Variants in TAF2 observed in about 807,000 individuals in gnomAD.
The protein encoded by TAF2 is transcription initiation factor TFIID subunit 2.
TAF2 carries 61 observed loss-of-function variants against 138.5 expected under a neutral mutation model. The ratio of observed to expected loss-of-function variants is 0.44; its 90% confidence interval spans 0.36 to 0.54. TAF2 has a LOEUF of 0.54. TAF2 is among the 20% of genes least tolerant of loss of function. The pLI is 0.00. For synonymous variants in TAF2, 475 were observed against 469.9 expected (o/e 1.01, Z -0.14); for missense variants, 1,090 against 1,427.9 (o/e 0.76, Z 3.81).
chr8:119,828,062 G>A (rs1826215480), intron 2 of TAF2, among the ~76,000 whole-genome samples: 1 of 152,020 alleles, frequency 6.6e-6, no homozygotes, highest in Non-Finnish European at 1.5e-5. Flanking sequence ...ATTTTTAGTA[G>A]AGACAGGGTT....
chr8:119,803,882 T>C lies in TAF2; in HGVS notation c.556A>G (p.Thr186Ala), dbSNP rs1824436262. Residue 186 changes from threonine to alanine, a missense_variant, in exon 5 of 26, where the codon ACA becomes GCA. Coordinates refer to ENST00000378164, the MANE Select transcript of TAF2 (RefSeq NM_003184.4). ...HVFSCGYQNS[T>A]RFWFPCVDSY... Reference sequence around the variant, plus strand: ...ATTTAAGAATCTATAATCTACCTTGTAGAATTTTGATACCCACAAGAGAAA... The same window carrying C: ...ATTTAAGAATCTATAATCTACCTTGCAGAATTTTGATACCCACAAGAGAAA... 2.5e-6 allele frequency: 4 copies of C among 1,613,102 alleles called. No homozygotes were observed. Among genetic ancestry groups the C allele is most frequent in the Middle Eastern group, 1.7e-4 (1 of 6,058 alleles).
rs145741910 is a variant in TAF2 at position 119,815,505 on chromosome 8, A to G, written c.299+3841T>C. 6.4e-3 allele frequency among the ~76,000 whole-genome samples: 975 copies of G among 151,562 alleles called. 14 individuals are homozygous for G. Among genetic ancestry groups the G allele is most frequent in the African/African-American group, 0.023 (931 of 41,350 alleles). On this transcript the variant is annotated intron_variant, in intron 3 of 25. Coordinates refer to ENST00000378164, the MANE Select transcript of TAF2 (RefSeq NM_003184.4). ...TAGCCAGGATGGTCTCGATCCCCTG[A>G]CCTCGTGATCCACCCACCTTGGCCT... is the stretch of plus-strand genomic sequence containing the variant.
chr8:119,778,248 C>T (rs1822395338), intron 17 of TAF2, 119 bp from the exon 18 acceptor site: 1 of 620,446 alleles, frequency 1.6e-6, no homozygotes, highest in Non-Finnish European at 2.9e-6. Context: ...CTGGATGGAG[C>T]CTAACACCTC....
Position 119,778,010 on chromosome 8 carries a change from G to T in TAF2, c.2364+9C>A. 7.2e-7 allele frequency: 1 copy of T among 1,393,842 alleles called. No homozygotes were observed. The highest frequency in any genetic ancestry group is 1.4e-5 in the African/African-American group (1 of 69,816). The allele number at this position is 1,393,842 out of a possible 1,614,324, so 86.3% of individuals were successfully genotyped here. A position where few individuals can be genotyped will look rare whatever the true frequency, so the allele number is the denominator to read the frequency against. On this transcript the variant is annotated intron_variant, in intron 18 of 25. Transcript: ENST00000378164. ...TGTTGTAGAAGATTTAAAAATAAAA[G>T]TACCTCACCTTATTTTTCCTGTTGT... is the stretch of plus-strand genomic sequence containing the variant.
At chr8:119,771,364 T>G (rs1045440501) in intron 18 of TAF2, among the ~76,000 whole-genome samples, 1 of 151,836 alleles carries the variant, frequency 6.6e-6, no homozygotes, top group South Asian at 2.1e-4. Flanking sequence ...GCCTCCTGAG[T>G]AGCTGGGATT....
At chr8:119,791,303 G>T (rs1014986635) in intron 11 of TAF2, 21 bp downstream of exon 11, 1 of 1,611,000 alleles carries the variant, frequency 6.2e-7, no homozygotes, top group Admixed American at 1.7e-5. Context: ...CCATTGTTAA[G>T]TTCTTAACTT....
chr8:119,758,058 A>G lies in TAF2; in HGVS notation c.2768+15T>C, dbSNP rs1465744827. On this transcript the variant is annotated intron_variant, in intron 21 of 25. Coordinates refer to ENST00000378164, the MANE Select transcript of TAF2 (RefSeq NM_003184.4). ...GACTTACAAAATATCATAGCATCAT[A>G]GCACATAAACTAACCTTACATAGGG... is the stretch of plus-strand genomic sequence containing the variant. 6.2e-7 allele frequency: 1 copy of G among 1,607,192 alleles called. No homozygotes were observed. Among genetic ancestry groups the G allele is most frequent in the African/African-American group, 1.3e-5 (1 of 74,818 alleles).
intron 18 of TAF2, among the ~76,000 whole-genome samples, chr8:119,774,245 A>G (rs545263635): frequency 9.2e-5 from 14 of 152,266 alleles, no homozygotes; most frequent in Admixed American, 4.6e-4. Context: ...TAAGTTACTC[A>G]TCACAGTATC....
chr8:119,806,480 T>G, intron 3 of TAF2, 79 bp from the exon 4 acceptor site: 2 of 1,147,650 alleles, frequency 1.7e-6, no homozygotes, highest in Non-Finnish European at 1.3e-6. Context: ...TTTTTTTTTT[T>G]TTTTTTTTAG....
intron 18 of TAF2, among the ~76,000 whole-genome samples, chr8:119,775,076 C>G (rs1254090189): frequency 6.6e-6 from 1 of 151,640 alleles, no homozygotes; most frequent in Non-Finnish European, 1.5e-5. Context: ...GTCAAGAGAA[C>G]GAGACCATCC....
chr8:119,755,890 A>T, intron 22 of TAF2, 116 bp downstream of exon 22: 1 of 507,816 alleles, frequency 2.0e-6, no homozygotes, highest in Non-Finnish European at 3.3e-6. Flanking sequence ...TACTTAAAAG[A>T]AAAAAAAAAA....
intron 22 of TAF2, among the ~76,000 whole-genome samples, chr8:119,753,911 A>G (rs1034543678): frequency 4.6e-5 from 7 of 152,216 alleles, no homozygotes; most frequent in African/African-American, 1.4e-4. Flanking sequence ...ATGAACCTTT[A>G]TAAGTTCCTG....
At chr8:119,780,587 C>T (rs888648395) in intron 17 of TAF2, among the ~76,000 whole-genome samples, 4 of 152,142 alleles carry the variant, frequency 2.6e-5, no homozygotes, top group Non-Finnish European at 5.9e-5. Flanking sequence ...GAGTTACTTG[C>T]ACACAGATCA....
intron 18 of TAF2, among the ~76,000 whole-genome samples, chr8:119,763,413 T>C (rs1049626829): frequency 4.6e-5 from 7 of 152,154 alleles, no homozygotes; most frequent in African/African-American, 1.7e-4. Context: ...GCCTCAATCT[T>C]CTCACATGAA....
chr8:119,746,995 TC>T, intron 22 of TAF2, 61 bp from the exon 23 acceptor site: 1 of 1,536,012 alleles, frequency 6.5e-7, no homozygotes, highest in Non-Finnish European at 8.9e-7. Context: ...ATTTTAACTG[TC>T]CCAGAACCTG....
Position 119,765,567 on chromosome 8 carries a change from G to A in TAF2, c.2365-2959C>T, listed in dbSNP as rs184730870. ...GGTACAAAGCTGGAGGGGTGGACTG[G>A]GACCACCAACATTCAAAATGTTTTT... is the stretch of plus-strand genomic sequence containing the variant. On this transcript the variant is annotated intron_variant, in intron 18 of 25. Transcript: ENST00000378164. Among the ~76,000 whole-genome samples, 3 of 152,182 alleles carry A rather than the reference G, an allele frequency of 2.0e-5. No individual in the cohort carries two copies. In the East Asian group the frequency reaches 5.8e-4, roughly 29 times the overall value.
At chr8:119,782,918 G>C (rs1822767477) in intron 16 of TAF2, among the ~76,000 whole-genome samples, 1 of 152,070 alleles carries the variant, frequency 6.6e-6, no homozygotes, top group Non-Finnish European at 1.5e-5. Flanking sequence ...TGAGGCAGGA[G>C]TATCACTCAG....
chr8:119,825,388 A>G (rs1487252283), intron 2 of TAF2, among the ~76,000 whole-genome samples: 1 of 152,238 alleles, frequency 6.6e-6, no homozygotes, highest in Non-Finnish European at 1.5e-5. Flanking sequence ...CATAGGCGGA[A>G]GGGACTTGCC....
At chr8:119,763,952 C>A (rs943861359) in intron 18 of TAF2, among the ~76,000 whole-genome samples, 3 of 151,896 alleles carry the variant, frequency 2.0e-5, no homozygotes, top group Non-Finnish European at 4.4e-5. Flanking sequence ...AGTTTGAGAC[C>A]ACCCTGACCA....
Sources: allele counts gnomAD v4.1 joint callset (sites outside exome capture counted in the v4.1 genomes callset), GRCh38; gene constraint gnomAD v4.1.1; transcripts MANE v1.5; gene names NCBI Gene and HGNC (gene_info 2026-07-23, HGNC 2026-07-21).